Variants in ZBTB38 observed in about 807,000 individuals in gnomAD.
ZBTB38 encodes zinc finger and BTB domain containing 38.
Under a neutral mutation model 76.8 loss-of-function variants are expected in ZBTB38, and 20 were observed. That is an observed-to-expected ratio of 0.26 (90% CI 0.18 to 0.38). The LOEUF is 0.38. Among genes scored for constraint, ZBTB38 ranks in the 10% least tolerant of loss-of-function variants. ZBTB38 has a pLI of 1.00. For missense variants in ZBTB38, 1,082 were observed against 1,482.3 expected, an observed-to-expected ratio of 0.73 and a Z score of 4.43; for synonymous variants, 504 against 544.2, an observed-to-expected ratio of 0.93 and a Z score of 1.03.
intron 1 of ZBTB38, among the ~76,000 whole-genome samples, chr3:141,353,812 TACTC>T (rs1352087536): frequency 6.6e-6 from 1 of 152,152 alleles, no homozygotes. Context: ...GGTTCACTGT[TACTC>T]ACTGTAGATG....
At position 141,426,615 on chromosome 3, in the gene ZBTB38, G is replaced by A. The variant is rs145353241; in HGVS notation, c.1-15774G>A. The stretch of plus-strand genomic sequence containing the variant: ...AGAGTGTGGGAAGGGAAGATGTCAC[G>A]TGGAAGCTAAGTCCTTTACAAACAC... On this transcript the variant is annotated intron_variant, in intron 5 of 5. Transcript: ENST00000321464. 4.1e-3 allele frequency among the ~76,000 whole-genome samples: 626 copies of A among 152,260 alleles called. 3 individuals are homozygous for A. The highest frequency in any genetic ancestry group is 0.015 in the African/African-American group (604 of 41,548).
At chr3:141,365,547 C>T (rs1013403542), upstream of ZBTB38, among the ~76,000 whole-genome samples, 3 of 152,160 alleles carry the variant, frequency 2.0e-5, no homozygotes, top group African/African-American at 7.2e-5. Context: ...AGTGGATTAA[C>T]CACCTCTGAA....
intron 5 of ZBTB38, among the ~76,000 whole-genome samples, chr3:141,405,056 A>C (rs1378802122): frequency 1.3e-5 from 2 of 152,188 alleles, no homozygotes; most frequent in East Asian, 3.8e-4. Context: ...ATCTATTAAA[A>C]CTTATGCCCT....
chr3:141,386,179 A>C (rs1053890443), intron 3 of ZBTB38: 1 of 152,218 alleles, frequency 6.6e-6, no homozygotes, highest in African/African-American at 2.4e-5. Flanking sequence ...GAACGCATAC[A>C]GTATGCTGCT....
chr3:141,382,040 A>G (rs60666814), intron 3 of ZBTB38, among the ~76,000 whole-genome samples: 6,265 of 152,316 alleles, frequency 0.041, 425 homozygotes, highest in African/African-American at 0.14. Context: ...GAAAAAAATC[A>G]TAATAGCTAC....
chr3:141,420,684 G>A (rs1191954165), intron 5 of ZBTB38, among the ~76,000 whole-genome samples: 2 of 152,128 alleles, frequency 1.3e-5, no homozygotes, highest in Non-Finnish European at 2.9e-5. Flanking sequence ...GATTTTTGGG[G>A]AAGAAGAATG....
chr3:141,372,662 A>C (rs1439276641), intron 2 of ZBTB38, among the ~76,000 whole-genome samples: 2 of 152,104 alleles, frequency 1.3e-5, no homozygotes, highest in African/African-American at 2.4e-5. Context: ...CCAAAAAAAA[A>C]AAAAAAGACC....
At chr3:141,410,071 C>T (rs192096753) in intron 5 of ZBTB38, among the ~76,000 whole-genome samples, 188 of 152,278 alleles carry the variant, frequency 1.2e-3, no homozygotes, top group African/African-American at 4.5e-3. Flanking sequence ...TGTTTCCTTC[C>T]GGCTCTAAGG....
intron 5 of ZBTB38, among the ~76,000 whole-genome samples, chr3:141,421,524 A>T (rs6763927): frequency 0.5 from 75,154 of 151,704 alleles, 19,905 homozygotes; most frequent in African/African-American, 0.69. Context: ...GTTTTTGTTG[A>T]TATAAGGGAG....
chr3:141,438,966 A>AT (rs56348132), intron 5 of ZBTB38, among the ~76,000 whole-genome samples: 36,528 of 139,998 alleles, frequency 0.26, 5,108 homozygotes, highest in Non-Finnish European at 0.34. Context: ...ATCATTTTTA[A>AT]TTTTTTTTTT....
intron 2 of ZBTB38, among the ~76,000 whole-genome samples, chr3:141,371,893 G>A (rs1944667879): frequency 6.6e-6 from 1 of 152,130 alleles, no homozygotes. Context: ...CATATGATGG[G>A]TGCCTTGTGA....
At chr3:141,352,136 C>T (rs1056178948) in intron 1 of ZBTB38, among the ~76,000 whole-genome samples, 2 of 152,034 alleles carry the variant, frequency 1.3e-5, no homozygotes, top group African/African-American at 4.8e-5. Flanking sequence ...GCAGGGGAGG[C>T]AGATAGTCAG....
intron 5 of ZBTB38, among the ~76,000 whole-genome samples, chr3:141,409,341 C>T (rs1192969835): frequency 6.6e-6 from 1 of 152,190 alleles, no homozygotes; most frequent in Non-Finnish European, 1.5e-5. Context: ...CCACCGTGCC[C>T]ATCCTGAGGT....
At chr3:141,408,322 G>GGAT (rs982231201) in intron 5 of ZBTB38, among the ~76,000 whole-genome samples, 28 of 152,240 alleles carry the variant, frequency 1.8e-4, no homozygotes, top group Admixed American at 1.3e-3. Flanking sequence ...CAAGGCTGAT[G>GGAT]GATGACCTGA....
intron 4 of ZBTB38, chr3:141,394,506 A>G (rs1949870176): frequency 6.6e-6 from 1 of 152,234 alleles, no homozygotes; most frequent in South Asian, 2.1e-4. Flanking sequence ...GGTCATCTAC[A>G]AAGCACAGAC....
chr3:141,324,553 G>T (rs1942617962), intron 1 of ZBTB38: 1 of 152,174 alleles, frequency 6.6e-6, no homozygotes, highest in Admixed American at 6.5e-5. Flanking sequence ...AATGACCCTT[G>T]GAACAGATAG....
chr3:141,354,029 CTTG>C (rs1943591314), intron 1 of ZBTB38, among the ~76,000 whole-genome samples: 1 of 152,158 alleles, frequency 6.6e-6, no homozygotes, highest in Non-Finnish European at 1.5e-5. Flanking sequence ...CTTGGTTGGA[CTTG>C]TTGATTTCGT....
chr3:141,333,250 T>G (rs1052353834), intron 1 of ZBTB38, among the ~76,000 whole-genome samples: 4 of 152,142 alleles, frequency 2.6e-5, no homozygotes, highest in Non-Finnish European at 4.4e-5. Context: ...AATAGGGGAC[T>G]GGGGTTGGTG....
intron 2 of ZBTB38, among the ~76,000 whole-genome samples, chr3:141,376,429 G>A (rs1047519906): frequency 6.6e-6 from 1 of 152,196 alleles, no homozygotes. Flanking sequence ...TTATCTCAAG[G>A]TTATCCCTGT....
Sources: allele counts gnomAD v4.1 joint callset (sites outside exome capture counted in the v4.1 genomes callset), GRCh38; gene constraint gnomAD v4.1.1; transcripts MANE v1.5; gene names NCBI Gene and HGNC (gene_info 2026-07-23, HGNC 2026-07-21).